CUX1: variants seen among roughly 807,000 people sequenced by gnomAD.
CUX1 encodes protein CASP.
CUX1 carries 31 observed loss-of-function variants against 158.8 expected under a neutral mutation model. That is an observed-to-expected ratio of 0.20 (90% CI 0.15 to 0.26). The LOEUF is 0.26. CUX1 is among the 10% of genes least tolerant of loss of function. The pLI is 1.00. For synonymous variants in CUX1, 879 were observed against 862.1 expected (o/e 1.02, Z -0.34); for missense variants, 1,589 against 2,014.6 (o/e 0.79, Z 4.04).
At chr7:101,938,395 C>T (rs182774134) in intron 2 of CUX1, among the ~76,000 whole-genome samples, 2 of 152,300 alleles carry the variant, frequency 1.3e-5, no homozygotes, top group Non-Finnish European at 2.9e-5. Flanking sequence ...GCATGAGCCA[C>T]TGTGCCTGGC....
chr7:102,207,666 G>A (rs782396362), intron 20 of CUX1, among the ~76,000 whole-genome samples: 3 of 152,046 alleles, frequency 2.0e-5, no homozygotes, highest in South Asian at 2.1e-4. Context: ...TGGCCAGGCC[G>A]GTCTCGAACT....
rs199543724 is a variant in CUX1 at position 102,176,442 on chromosome 7, C to T, written c.829-2027C>T. ...TACAGCATGAGCTGCCCCCAGGATT[C>T]GGCTGTCATAGACACCATGCAGCTC... On this transcript the variant is annotated intron_variant, in intron 10 of 23. Coordinates refer to ENST00000292535, the MANE Select transcript of CUX1 (RefSeq NM_181552.4). Among the ~76,000 whole-genome samples the T allele has an allele frequency of 4.0e-5, 6 of 151,836 alleles. No individual in the cohort carries two copies. The East Asian group carries it at 5.8e-4, about 15-fold the overall frequency.
chr7:102,209,385 G>A (rs1038603959), intron 20 of CUX1, among the ~76,000 whole-genome samples: 9 of 152,146 alleles, frequency 5.9e-5, no homozygotes, highest in South Asian at 4.1e-4. Flanking sequence ...AAGCAGCAGC[G>A]TCACTAGTGA....
Position 102,254,911 on chromosome 7 carries a change from G to A in CUX1, c.*5869G>A. On this transcript the variant is annotated 3_prime_UTR_variant, in exon 24 of 24. Coordinates refer to ENST00000292535, the MANE Select transcript of CUX1 (RefSeq NM_181552.4). ...GACTTTTTGTAGATGAAAACTACCA[G>A]GGAAAAGGGGAAGCAGGTACCCAAT... 1.0e-6 allele frequency: 1 copy of A among 985,484 alleles called. No homozygotes were observed. The highest frequency in any genetic ancestry group is 1.2e-6 in the Non-Finnish European group (1 of 829,962). The allele number at this position is 985,484 out of a possible 1,614,324, so 61.0% of individuals were successfully genotyped here. A position where few individuals can be genotyped will look rare whatever the true frequency, so the allele number is the denominator to read the frequency against.
At chr7:102,015,867 T>G (rs1585283100) in intron 2 of CUX1, among the ~76,000 whole-genome samples, 1 of 151,988 alleles carries the variant, frequency 6.6e-6, no homozygotes. Flanking sequence ...CAGGCTGGAG[T>G]GTGGTGGCGC....
At position 102,248,383 on chromosome 7, in the gene CUX1, T is replaced by A; in HGVS notation, c.3888-29T>A. The A allele has an allele frequency of 6.4e-7, 1 of 1,557,402 alleles. No individual in the cohort carries two copies. The highest frequency in any genetic ancestry group is 1.4e-5 in the African/African-American group (1 of 72,314). The stretch of plus-strand genomic sequence containing the variant: ...GGCCCTTTCCCCAGCAGCACCCCCC[T>A]CACGTCCCCGCCGCTTGTTGTCTTG... On this transcript the variant is annotated intron_variant, in intron 23 of 23. Coordinates refer to ENST00000292535, the MANE Select transcript of CUX1 (RefSeq NM_181552.4). The surrounding 1 kb of genome is among the most constrained non-coding windows in gnomAD (Gnocchi z 5.8).
At chr7:102,067,099 C>A (rs957612325) in intron 3 of CUX1, among the ~76,000 whole-genome samples, 4 of 152,088 alleles carry the variant, frequency 2.6e-5, no homozygotes, top group Non-Finnish European at 2.9e-5. Context: ...TTCATCACCC[C>A]AAAAGGAAAT....
chr7:102,236,868 C>T (rs973891619), intron 22 of CUX1, among the ~76,000 whole-genome samples: 5 of 152,204 alleles, frequency 3.3e-5, no homozygotes, highest in South Asian at 2.1e-4. Context: ...AGGCTCGGGG[C>T]GCCCTCTTGT....
intron 1 of CUX1, among the ~76,000 whole-genome samples, chr7:101,830,818 T>G (rs1452265180): frequency 6.6e-6 from 1 of 152,170 alleles, no homozygotes; most frequent in Non-Finnish European, 1.5e-5. Context: ...GTTAAAAATT[T>G]ATAAATTTAA....
At chr7:102,171,699 C>T (rs1286209588) in intron 10 of CUX1, among the ~76,000 whole-genome samples, 5 of 152,132 alleles carry the variant, frequency 3.3e-5, no homozygotes, top group Admixed American at 6.5e-5. Context: ...CCTCCTGCCT[C>T]AGCCTCCCAG....
rs1789762698 is a variant in CUX1 at position 102,255,185 on chromosome 7, C to T, written c.*6143C>T. The stretch of plus-strand genomic sequence containing the variant: ...AATTTCCGCCTGTCTGCCCGACTTC[C>T]AAAAACTGCCTCCTCCTGCCCAGGC... On this transcript the variant is annotated 3_prime_UTR_variant, in exon 24 of 24. Transcript: ENST00000292535. 7 of 985,376 alleles carry T rather than the reference C, an allele frequency of 7.1e-6. No individual in the cohort carries two copies. Among genetic ancestry groups the T allele is most frequent in the Non-Finnish European group, 8.4e-6 (7 of 829,990 alleles). 61.0% of individuals were successfully genotyped at this position (985,376 alleles called of 1,614,324 possible).
In CUX1 at chr7:102,201,638, C is replaced by A. The variant is rs782298692; in HGVS notation, c.2341C>A (p.Pro781Thr). 41 of 1,613,550 alleles carry A rather than the reference C, an allele frequency of 2.5e-5. No individual in the cohort carries two copies. The Middle Eastern group carries it at 6.6e-4, about 26-fold the overall frequency. ...GGCCGGTGCCTCTGCTCTGCCGAAC[C>A]CCCCGGCCCTCAAAAAGGAGGCCCA... is the stretch of plus-strand genomic sequence containing the variant. Reference protein sequence around the residue: ...PEAGASALPNPPALKKEAQDA... With the variant: ...PEAGASALPNTPALKKEAQDA... Residue 781 changes from proline (P) to threonine (T), a missense_variant, in exon 18 of 24, where the codon CCC becomes ACC. Pro to Thr is a conservative substitution (Grantham distance 38). Coordinates refer to ENST00000292535, the MANE Select transcript of CUX1 (RefSeq NM_181552.4). This position sits in a 1 kb window ranked among gnomAD's most constrained non-coding sequence, Gnocchi z 5.0.
chr7:102,178,636 C>T lies in CUX1; in HGVS notation c.996C>T (p.Ser332=), dbSNP rs1383074122. The T allele has an allele frequency of 9.3e-6, 15 of 1,609,654 alleles. No homozygotes were observed. Among genetic ancestry groups the T allele is most frequent in the South Asian group, 3.3e-5 (3 of 90,448 alleles). Residue 332 remains serine (S), a synonymous_variant, in exon 11 of 24, where the codon AGC becomes AGT. Transcript: ENST00000292535. ...SQISQLEQQL[S]AKNSTLKQLE... is the part of the protein sequence containing the mutation. ...TCTCACAGCTTGAGCAGCAGCTGAG[C>T]GCCAAAAACAGCACACTCAAAGTAA...
chr7:101,832,625 T>C (rs1794173932), intron 1 of CUX1, among the ~76,000 whole-genome samples: 1 of 152,232 alleles, frequency 6.6e-6, no homozygotes, highest in Non-Finnish European at 1.5e-5. Flanking sequence ...TAATCCTTTG[T>C]AATTCCCTGG....
chr7:101,956,101 G>A (rs1285770353), intron 2 of CUX1, among the ~76,000 whole-genome samples: 1 of 120,116 alleles, frequency 8.3e-6, no homozygotes, highest in African/African-American at 3.1e-5. Context: ...AGAATGGCGT[G>A]AACCCGGGAG....
intron 8 of CUX1, among the ~76,000 whole-genome samples, chr7:102,118,816 A>G (rs1202384654): frequency 6.6e-6 from 1 of 152,144 alleles, no homozygotes; most frequent in Non-Finnish European, 1.5e-5. Flanking sequence ...CAGTGGCACG[A>G]TCTTGGCTCA....
chr7:102,165,584 C>T (rs1554508530), intron 9 of CUX1, among the ~76,000 whole-genome samples: 1 of 152,100 alleles, frequency 6.6e-6, no homozygotes, highest in Non-Finnish European at 1.5e-5. Context: ...AGGCTGGTCT[C>T]AAACCCCTGA....
At chr7:102,056,906 G>GC (rs1253418455) in intron 3 of CUX1, among the ~76,000 whole-genome samples, 1 of 77,588 alleles carries the variant, frequency 1.3e-5, no homozygotes, top group Non-Finnish European at 2.5e-5. Flanking sequence ...TTTGTTTTCT[G>GC]GTTTTTTTTT....
At chr7:101,857,507 C>G (rs909419256) in intron 1 of CUX1, among the ~76,000 whole-genome samples, 1 of 152,184 alleles carries the variant, frequency 6.6e-6, no homozygotes, top group Non-Finnish European at 1.5e-5. Flanking sequence ...TGAATTAAAG[C>G]AGCGCACGCT....
Sources: gnomAD v4.1 joint callset for allele counts (sites outside exome capture counted in the v4.1 genomes callset) on GRCh38, gnomAD v4.1.1 for gene constraint, Gnocchi (gnomAD v3.1) non-coding constraint, MANE v1.5 for transcripts, NCBI Gene and HGNC (gene_info 2026-07-23, HGNC 2026-07-21) for gene names.